Variants in XKR6 observed in about 807,000 individuals in gnomAD.
XKR6 encodes the protein XK related 6.
XKR6 carries 22 observed loss-of-function variants against 56.7 expected under a neutral mutation model. The ratio of observed to expected loss-of-function variants is 0.39; its 90% confidence interval spans 0.28 to 0.55. The LOEUF (loss-of-function observed/expected upper bound fraction) is 0.55. Among genes scored for constraint, XKR6 ranks in the 20% least tolerant of loss-of-function variants. The pLI, the probability that XKR6 is intolerant of heterozygous loss-of-function variation, is 0.66. For synonymous variants in XKR6, 524 were observed against 387.8 expected, an observed-to-expected ratio of 1.35 and a Z score of -4.13; for missense variants, 852 against 889.0, an observed-to-expected ratio of 0.96 and a Z score of 0.53.
At chr8:11,050,326 G>A (rs1799513669) in intron 1 of XKR6, among the ~76,000 whole-genome samples, 1 of 151,946 alleles carries the variant, frequency 6.6e-6, no homozygotes, top group Non-Finnish European at 1.5e-5. Flanking sequence ...TTAAGTCCTG[G>A]TTGGAGCGAG....
chr8:11,040,717 T>G, intron 1 of XKR6, among the ~76,000 whole-genome samples: 1 of 152,198 alleles, frequency 6.6e-6, no homozygotes. Context: ...ACACCATCAC[T>G]GGGCTGCACC....
intron 1 of XKR6, among the ~76,000 whole-genome samples, chr8:10,980,765 C>A (rs1382501242): frequency 6.6e-6 from 1 of 152,184 alleles, no homozygotes; most frequent in South Asian, 2.1e-4. Context: ...TATCTATCAT[C>A]TATCTATATA....
chr8:11,103,294 C>T (rs901799619), intron 1 of XKR6, among the ~76,000 whole-genome samples: 3 of 152,148 alleles, frequency 2.0e-5, no homozygotes, highest in African/African-American at 7.2e-5. Flanking sequence ...AAAAGCAATG[C>T]TCCAACACCT....
chr8:11,133,233 T>A (rs1563162204), intron 1 of XKR6, among the ~76,000 whole-genome samples: 1 of 152,168 alleles, frequency 6.6e-6, no homozygotes, highest in Admixed American at 6.5e-5. Context: ...ATTGCTCTGT[T>A]TGTAACCAGC....
At chr8:11,199,404 C>T (rs950680445) in intron 1 of XKR6, among the ~76,000 whole-genome samples, 18 of 152,206 alleles carry the variant, frequency 1.2e-4, no homozygotes, top group African/African-American at 4.1e-4. Context: ...TTTCAGCTAA[C>T]CTGGGTATAT....
chr8:10,954,781 T>G (rs1041208816), intron 1 of XKR6, among the ~76,000 whole-genome samples: 6 of 152,004 alleles, frequency 3.9e-5, no homozygotes, highest in African/African-American at 1.2e-4. Flanking sequence ...AAGAGTTGTA[T>G]AGTTTTAGCT....
chr8:11,032,885 G>C (rs980155662), intron 1 of XKR6, among the ~76,000 whole-genome samples: 10 of 152,210 alleles, frequency 6.6e-5, no homozygotes, highest in African/African-American at 2.4e-4. Context: ...TAGTGGCTTT[G>C]CTGGTGGTGG....
chr8:11,067,011 G>T (rs1239513991), intron 1 of XKR6: 1 of 152,528 alleles, frequency 6.6e-6, no homozygotes, highest in Non-Finnish European at 1.5e-5. Context: ...TCATGGGGGT[G>T]GTGCTGTGAA....
intron 1 of XKR6, among the ~76,000 whole-genome samples, chr8:11,181,170 G>A (rs191849959): frequency 1.3e-5 from 2 of 152,084 alleles, no homozygotes; most frequent in Admixed American, 1.3e-4. Flanking sequence ...CTTTGGTGAG[G>A]GGATTTTAAA....
chr8:10,914,817 AG>A (rs1359551334), intron 2 of XKR6, among the ~76,000 whole-genome samples: 1 of 152,196 alleles, frequency 6.6e-6, no homozygotes, highest in Non-Finnish European at 1.5e-5. Flanking sequence ...CCTCCTGGGT[AG>A]CCCCTGGCGT....
Position 11,032,739 on chromosome 8 carries a change from C to A in XKR6, c.765-107909G>T, listed in dbSNP as rs920017224. Among the ~76,000 whole-genome samples the A allele has an allele frequency of 2.6e-5, 4 of 152,156 alleles. No homozygotes were observed. The South Asian group carries it at 6.2e-4, about 24-fold the overall frequency. ...CTGCAGCTAGGGGTCTGCTCCAGGG[C>A]ATGGTCAAACACCCCTCCAAGCCCT... is the stretch of plus-strand genomic sequence containing the variant. On this transcript the variant is annotated intron_variant, in intron 1 of 2. Coordinates refer to ENST00000416569, the MANE Select transcript of XKR6 (RefSeq NM_173683.4).
In XKR6 at chr8:10,921,608, G is replaced by C. The variant is rs111617503; in HGVS notation, c.961+3026C>G. Among the ~76,000 whole-genome samples, 596 of 152,324 alleles carry C rather than the reference G, an allele frequency of 3.9e-3. 3 individuals carry two copies. Among genetic ancestry groups the C allele is most frequent in the African/African-American group, 0.014 (573 of 41,568 alleles). ...TATACCAAAGAGAAAACGGGATTGT[G>C]AAAAGATGAAGGTCCAAAATCACAA... is the stretch of plus-strand genomic sequence containing the variant. On this transcript the variant is annotated intron_variant, in intron 2 of 2. Coordinates refer to ENST00000416569, the MANE Select transcript of XKR6 (RefSeq NM_173683.4).
chr8:10,979,243 C>A (rs1178416391), intron 1 of XKR6, among the ~76,000 whole-genome samples: 2 of 152,034 alleles, frequency 1.3e-5, no homozygotes, highest in Non-Finnish European at 2.9e-5. Flanking sequence ...CTAGCCTACT[C>A]CCCCAACCCC....
intron 1 of XKR6, among the ~76,000 whole-genome samples, chr8:11,141,751 T>A (rs150105076): frequency 3.4e-4 from 51 of 152,158 alleles, no homozygotes; most frequent in African/African-American, 1.1e-3. Context: ...AGCCCTTGAC[T>A]GGTGACCCTA....
intron 1 of XKR6, chr8:11,123,904 T>C (rs1395672506): frequency 2.2e-6 from 1 of 456,126 alleles, no homozygotes; most frequent in Non-Finnish European, 4.4e-6. Flanking sequence ...TGCCCTTCCC[T>C]CCCTCATGAT....
intron 1 of XKR6, among the ~76,000 whole-genome samples, chr8:11,090,180 GC>G (rs1798019451): frequency 6.6e-6 from 1 of 152,166 alleles, no homozygotes; most frequent in African/African-American, 2.4e-5. Context: ...AAAGTCCTGG[GC>G]TCAAGCGATC....
At chr8:11,190,537 A>AAT (rs1192226555) in intron 1 of XKR6, among the ~76,000 whole-genome samples, 3 of 152,200 alleles carry the variant, frequency 2.0e-5, no homozygotes, top group African/African-American at 7.2e-5. Context: ...CAGAGGTATT[A>AAT]ATATTACTCA....
At chr8:10,995,241 A>G (rs1238961516) in intron 1 of XKR6, among the ~76,000 whole-genome samples, 1 of 151,944 alleles carries the variant, frequency 6.6e-6, no homozygotes, top group African/African-American at 2.4e-5. Context: ...TCGGCTGGGC[A>G]TGGTGGCTCA....
At chr8:10,974,421 C>T (rs1654666244) in intron 1 of XKR6, among the ~76,000 whole-genome samples, 1 of 152,194 alleles carries the variant, frequency 6.6e-6, no homozygotes, top group African/African-American at 2.4e-5. Flanking sequence ...GTTGAAACCA[C>T]CCGCTCAGAG....
Sources: gnomAD v4.1 joint callset for allele counts (sites outside exome capture counted in the v4.1 genomes callset) on GRCh38, gnomAD v4.1.1 for gene constraint, MANE v1.5 for transcripts, NCBI Gene and HGNC (gene_info 2026-07-23, HGNC 2026-07-21) for gene names.